Variants in DIXDC1 observed in about 807,000 individuals in gnomAD.
The protein encoded by DIXDC1 is dixin.
A neutral mutation model predicts 103.1 loss-of-function variants in DIXDC1; 64 were observed. The ratio of observed to expected loss-of-function variants is 0.62; its 90% CI spans 0.51 to 0.76. The LOEUF is 0.76. DIXDC1 is among the 30% of genes least tolerant of loss of function. The pLI is 0.00. For missense variants in DIXDC1, 759 were observed against 834.2 expected, an observed-to-expected ratio of 0.91 and a Z score of 1.11; for synonymous variants, 266 against 298.5, an observed-to-expected ratio of 0.89 and a Z score of 1.12.
At chr11:111,997,537 T>C (rs1403560429) in intron 17 of DIXDC1, among the ~76,000 whole-genome samples, 1 of 152,232 alleles carries the variant, frequency 6.6e-6, no homozygotes, top group African/African-American at 2.4e-5. Context: ...GGTTTCGCCA[T>C]GTTGGCAATG....
At chr11:112,018,510 C>T (rs782431171) in intron 19 of DIXDC1, among the ~76,000 whole-genome samples, 1 of 152,062 alleles carries the variant, frequency 6.6e-6, no homozygotes, top group African/African-American at 2.4e-5. Context: ...GTTTTAGTAA[C>T]CCTGTTTTAT....
intron 7 of DIXDC1, 78 bp from the exon 8 acceptor site, chr11:111,985,154 G>GT: frequency 8.6e-7 from 1 of 1,160,294 alleles, no homozygotes; most frequent in Non-Finnish European, 1.3e-6. Flanking sequence ...TTAACTTGGG[G>GT]TGAGCTTACC....
In DIXDC1 at chr11:111,940,273, C is replaced by T. The variant is rs114255678; in HGVS notation, c.60+2714C>T. ...CTCAACATGTCTGGCAAATAACTCA[C>T]GGAATTGATCCTTGTCAGTGCTTTC... is the stretch of plus-strand genomic sequence containing the variant. On this transcript the variant is annotated intron_variant, in intron 1 of 19. Transcript: ENST00000440460. 8.6e-3 allele frequency among the ~76,000 whole-genome samples: 1,313 copies of T among 152,342 alleles called. 17 individuals carry two copies. Among genetic ancestry groups the T allele is most frequent in the African/African-American group, 0.03 (1,254 of 41,578 alleles).
chr11:111,966,129 A>T (rs1484896471), intron 2 of DIXDC1, among the ~76,000 whole-genome samples: 1 of 151,860 alleles, frequency 6.6e-6, no homozygotes, highest in African/African-American at 2.4e-5. Flanking sequence ...ATGTCTATAC[A>T]AGTAATATGA....
At chr11:112,013,635 C>T (rs1861499167) in intron 17 of DIXDC1, among the ~76,000 whole-genome samples, 1 of 151,920 alleles carries the variant, frequency 6.6e-6, no homozygotes, top group African/African-American at 2.4e-5. Flanking sequence ...TTTTATATAC[C>T]CTATGTTCAA....
chr11:111,953,144 AAG>A (rs1210233008), intron 1 of DIXDC1, among the ~76,000 whole-genome samples: 1 of 152,184 alleles, frequency 6.6e-6, no homozygotes, highest in Non-Finnish European at 1.5e-5. Flanking sequence ...AAAAGAAAGA[AAG>A]AGAAATAAAG....
intron 10 of DIXDC1, among the ~76,000 whole-genome samples, chr11:111,991,848 G>A (rs587631657): frequency 2.0e-5 from 3 of 152,360 alleles, no homozygotes; most frequent in African/African-American, 7.2e-5. Flanking sequence ...GGCTCTGGAA[G>A]CCAGCATGGG....
intron 17 of DIXDC1, among the ~76,000 whole-genome samples, chr11:112,003,316 C>T (rs374133186): frequency 2.5e-4 from 38 of 151,608 alleles, no homozygotes; most frequent in African/African-American, 8.7e-4. Context: ...AATTAGCGGG[C>T]GGGTGGCAAG....
In DIXDC1 at chr11:112,018,937, T is replaced by C; in HGVS notation, c.1972-19T>C. Reference sequence around the variant, plus strand: ...AGATTCCCTGTTTTTTCACTGTGGCTTTTTGTTTTTTTCTCTAGATTTTCC... The same window carrying C: ...AGATTCCCTGTTTTTTCACTGTGGCCTTTTGTTTTTTTCTCTAGATTTTCC... On this transcript the variant is annotated intron_variant, in intron 19 of 19. Coordinates refer to ENST00000440460, the MANE Select transcript of DIXDC1 (RefSeq NM_001037954.4). The C allele has an allele frequency of 2.5e-6, 4 of 1,608,038 alleles. No homozygotes were observed. The highest frequency in any genetic ancestry group is 3.4e-6 in the Non-Finnish European group (4 of 1,175,390).
chr11:111,985,116 A>G, intron 7 of DIXDC1, 116 bp from the exon 8 acceptor site: 1 of 816,626 alleles, frequency 1.2e-6, no homozygotes, highest in Non-Finnish European at 2.0e-6. Context: ...TTACCAACGA[A>G]ATGTCTTGAG....
At chr11:111,987,249 CA>C (rs782010904) in intron 9 of DIXDC1, among the ~76,000 whole-genome samples, 1,607 of 123,254 alleles carry the variant, frequency 0.013, 25 homozygotes, top group African/African-American at 0.043. Context: ...GACTCCATCT[CA>C]AAAAAAAAAA....
At chr11:111,930,828 CTTT>C (rs1965986011) in intron 2 of DIXDC1, among the ~76,000 whole-genome samples, 1 of 133,608 alleles carries the variant, frequency 7.5e-6, no homozygotes, top group African/African-American at 3.4e-5. Context: ...TGAGACCCTC[CTTT>C]CTTTCTTTCT....
rs782076638 is a variant in DIXDC1 at position 111,992,372 on chromosome 11, T to G, written c.1114-43T>G. On this transcript the variant is annotated intron_variant, in intron 10 of 19. Coordinates refer to ENST00000440460, the MANE Select transcript of DIXDC1 (RefSeq NM_001037954.4). ...TAATTTGTAATAATAACTGGCTGAT[T>G]GATGAACTGAGACAACAATAATTAG... is the stretch of plus-strand genomic sequence containing the variant. 33 of 1,494,442 alleles carry G rather than the reference T, an allele frequency of 2.2e-5. No individual in the cohort carries two copies. The African/African-American group carries it at 4.2e-4, about 19-fold the overall frequency. The allele number at this position is 1,494,442 out of a possible 1,614,324, so 92.6% of individuals were successfully genotyped here.
intron 7 of DIXDC1, among the ~76,000 whole-genome samples, chr11:111,984,214 G>A (rs1037340326): frequency 1.6e-4 from 24 of 152,224 alleles, no homozygotes; most frequent in Admixed American, 6.5e-4. Flanking sequence ...GTGCAGGGGG[G>A]CTTCTTAAAG....
chr11:111,996,156 C>T lies in DIXDC1; in HGVS notation c.1756+10C>T. ...TGGCCCCCTAACTCAAGTAAGTACC[C>T]ATTTTTGCTCAGTAGGGACTCCTAG... On this transcript the variant is annotated intron_variant, in intron 17 of 19. Transcript: ENST00000440460. 6.2e-7 allele frequency: 1 copy of T among 1,612,384 alleles called. No homozygotes were observed.
intron 10 of DIXDC1, 103 bp from the exon 11 acceptor site, chr11:111,992,312 C>T (rs1860735919): frequency 9.6e-7 from 1 of 1,042,712 alleles, no homozygotes; most frequent in Non-Finnish European, 1.4e-6. Context: ...TCCAGTCTGC[C>T]ATAACGAATG....
chr11:111,952,249 G>A (rs1324289880), intron 1 of DIXDC1, among the ~76,000 whole-genome samples: 2 of 152,124 alleles, frequency 1.3e-5, no homozygotes, highest in African/African-American at 2.4e-5. Context: ...TGAGTAGGAT[G>A]ATTCAACATC....
intron 4 of DIXDC1, 95 bp from the exon 5 acceptor site, chr11:111,974,781 A>G: frequency 6.5e-7 from 1 of 1,542,182 alleles, no homozygotes; most frequent in Non-Finnish European, 8.8e-7. Context: ...TCATGTGTGT[A>G]TACTGCTCGC....
At chr11:111,993,122 C>T (rs961008692) in intron 12 of DIXDC1, 118 bp downstream of exon 12, 6 of 1,206,028 alleles carry the variant, frequency 5.0e-6, no homozygotes, top group Non-Finnish European at 6.9e-6. Flanking sequence ...TTTTTTTATC[C>T]TTGCTTTTTA....
Sources: allele counts gnomAD v4.1 joint callset (sites outside exome capture counted in the v4.1 genomes callset), GRCh38; gene constraint gnomAD v4.1.1; transcripts MANE v1.5; gene names NCBI Gene and HGNC (gene_info 2026-07-23, HGNC 2026-07-21).